NMNAT3: variants seen among roughly 807,000 people sequenced by gnomAD.
The protein encoded by NMNAT3 is nicotinamide/nicotinic acid mononucleotide adenylyltransferase 3.
In NMNAT3, 21 loss-of-function variants were observed where a neutral mutation model predicts 24.8. The ratio of observed to expected loss-of-function variants is 0.85; its 90% CI spans 0.60 to 1.22. The LOEUF (loss-of-function observed/expected upper bound fraction) is 1.22, where lower values mean the gene tolerates loss of function less well. Among genes scored for constraint, NMNAT3 ranks in the 50% most tolerant of loss-of-function variants. The pLI is 0.00. For synonymous variants in NMNAT3, 136 were observed against 155.2 expected, an observed-to-expected ratio of 0.88 and a Z score of 0.92; for missense variants, 387 against 436.6, an observed-to-expected ratio of 0.89 and a Z score of 1.01.
chr3:139,594,896 G>A (rs370984836), intron 3 of NMNAT3, among the ~76,000 whole-genome samples: 3 of 152,090 alleles, frequency 2.0e-5, no homozygotes, highest in Admixed American at 2.0e-4. Context: ...CTTTGAAAAC[G>A]GGCACAAGAC....
chr3:139,650,803 C>T (rs541675472), intron 1 of NMNAT3, among the ~76,000 whole-genome samples: 1 of 152,168 alleles, frequency 6.6e-6, no homozygotes. Flanking sequence ...GGACCTGGAG[C>T]AATTCTCTAC....
chr3:139,613,806 T>TA (rs947595809), intron 3 of NMNAT3, among the ~76,000 whole-genome samples: 25 of 152,196 alleles, frequency 1.6e-4, no homozygotes, highest in African/African-American at 5.8e-4. Flanking sequence ...TATGCAGCCA[T>TA]AAAAAATGAT....
intron 6 of NMNAT3, chr3:139,569,056 T>G (rs561400353): frequency 6.6e-6 from 1 of 152,358 alleles, no homozygotes; most frequent in East Asian, 1.9e-4. Context: ...TTTAGGATAG[T>G]TAGCTCTTCC....
At chr3:139,623,975 T>A (rs1184702151) in intron 3 of NMNAT3, among the ~76,000 whole-genome samples, 1 of 152,238 alleles carries the variant, frequency 6.6e-6, no homozygotes, top group South Asian at 2.1e-4. Context: ...GCCACGATGC[T>A]ATAACGTCAC....
rs769458894 is a variant in NMNAT3 at position 139,561,282 on chromosome 3, C to G, written c.769G>C (p.Val257Leu). The change falls in exon 7 of 7, where the codon GTG becomes CTG. Residue 257 changes from valine to leucine, a missense_variant. Coordinates refer to ENST00000643695, the MANE Select transcript of NMNAT3 (RefSeq NM_001320510.2). ...TCGTGACCTACTCGGCCCACGCACA[C>G]CAAGCCAAACTTCTCCACTATTTCC... 6.2e-7 allele frequency: 1 copy of G among 1,613,998 alleles called. No homozygotes were observed. Among genetic ancestry groups the G allele is most frequent in the South Asian group, 1.1e-5 (1 of 91,058 alleles).
At chr3:139,656,415 C>G (rs887391447) in intron 1 of NMNAT3, among the ~76,000 whole-genome samples, 1 of 152,170 alleles carries the variant, frequency 6.6e-6, no homozygotes, top group Non-Finnish European at 1.5e-5. Context: ...TAACATCTTC[C>G]ATGTGTGACT....
intron 1 of NMNAT3, among the ~76,000 whole-genome samples, chr3:139,650,797 C>A (rs1036134106): frequency 6.6e-6 from 1 of 152,154 alleles, no homozygotes; most frequent in Admixed American, 6.5e-5. Flanking sequence ...TGAAAAGGAC[C>A]TGGAGCAATT....
chr3:139,640,374 G>T (rs76997586), intron 1 of NMNAT3, among the ~76,000 whole-genome samples: 1 of 152,182 alleles, frequency 6.6e-6, no homozygotes, highest in East Asian at 1.9e-4. Flanking sequence ...AGGAATATAG[G>T]GTGACAGTTG....
At chr3:139,658,029 C>T (rs1032486516) in intron 1 of NMNAT3, among the ~76,000 whole-genome samples, 1 of 152,078 alleles carries the variant, frequency 6.6e-6, no homozygotes, top group Non-Finnish European at 1.5e-5. Flanking sequence ...ACACTCTACC[C>T]CCAGCCTTAA....
chr3:139,563,596 T>C (rs1936738534), intron 6 of NMNAT3, among the ~76,000 whole-genome samples: 1 of 152,178 alleles, frequency 6.6e-6, no homozygotes, highest in Non-Finnish European at 1.5e-5. Context: ...ACACCTCCCC[T>C]GCCCCCCAAA....
chr3:139,638,471 T>C (rs2056585706), intron 1 of NMNAT3, among the ~76,000 whole-genome samples: 1 of 152,176 alleles, frequency 6.6e-6, no homozygotes, highest in African/African-American at 2.4e-5. Context: ...CTTCCCTGTG[T>C]ATCAGGAAAA....
intron 2 of NMNAT3, among the ~76,000 whole-genome samples, chr3:139,633,746 G>A (rs139164937): frequency 6.6e-6 from 1 of 152,136 alleles, no homozygotes; most frequent in South Asian, 2.1e-4. Context: ...TCACGTGTAG[G>A]CAGGAGCTGA....
intron 1 of NMNAT3, among the ~76,000 whole-genome samples, chr3:139,663,275 T>TA (rs1254551537): frequency 6.6e-6 from 1 of 152,218 alleles, no homozygotes; most frequent in Non-Finnish European, 1.5e-5. Flanking sequence ...CTTTCACTGA[T>TA]AAGCATATTT....
At chr3:139,668,051 T>C (rs1219488080) in intron 1 of NMNAT3, among the ~76,000 whole-genome samples, 1 of 152,144 alleles carries the variant, frequency 6.6e-6, no homozygotes, top group Non-Finnish European at 1.5e-5. Context: ...TGAATGAAAT[T>C]ATCCAGGTGT....
Position 139,561,129 on chromosome 3 carries a change from TC to T in NMNAT3, c.921del (p.Ser308AlafsTer2), listed in dbSNP as rs1266201402. On this transcript the variant is annotated frameshift_variant, in exon 7 of 7. Coordinates refer to ENST00000643695, the MANE Select transcript of NMNAT3 (RefSeq NM_001320510.2). LOFTEE classifies it low-confidence loss of function (END_TRUNC). ...GCATCGGGAATCAGGTACTTTACGCTCTGCCCTTGGCCCAAGGCTCGCCTGA... is the reference window on the plus strand; with the variant it reads ...GCATCGGGAATCAGGTACTTTACGCTTGCCCTTGGCCCAAGGCTCGCCTGA... 3 of 1,614,054 alleles carry T rather than the reference TC, an allele frequency of 1.9e-6. No homozygotes were observed. In the African/African-American group the frequency reaches 4.0e-5, roughly 22 times the overall value.
At chr3:139,593,262 T>A (rs1350700289) in intron 3 of NMNAT3, among the ~76,000 whole-genome samples, 1 of 152,146 alleles carries the variant, frequency 6.6e-6, no homozygotes, top group Non-Finnish European at 1.5e-5. Flanking sequence ...CAAGAAGAGC[T>A]AACTATCCTA....
intron 1 of NMNAT3, among the ~76,000 whole-genome samples, chr3:139,655,324 A>G (rs2057204756): frequency 6.6e-6 from 1 of 152,130 alleles, no homozygotes; most frequent in Non-Finnish European, 1.5e-5. Flanking sequence ...TCTATAAGTG[A>G]TTACCTGAGG....
chr3:139,579,159 T>G, intron 4 of NMNAT3, 104 bp from the exon 5 acceptor site: 1 of 919,316 alleles, frequency 1.1e-6, no homozygotes. Flanking sequence ...TCATCCTGAG[T>G]GGTAGTAGAC....
intron 3 of NMNAT3, among the ~76,000 whole-genome samples, chr3:139,602,051 T>A (rs1402345047): frequency 1.3e-5 from 2 of 152,198 alleles, no homozygotes; most frequent in Non-Finnish European, 2.9e-5. Flanking sequence ...TCATGGTAAT[T>A]TACACTCAAG....
Sources: allele counts gnomAD v4.1 joint callset (sites outside exome capture counted in the v4.1 genomes callset), GRCh38; gene constraint gnomAD v4.1.1; transcripts MANE v1.5; gene names NCBI Gene and HGNC (gene_info 2026-07-23, HGNC 2026-07-21).